Variants in CNTN5 observed in about 807,000 individuals in gnomAD.
CNTN5 encodes contactin 5.
CNTN5 carries 77 observed loss-of-function variants against 129.1 expected under a neutral mutation model. The observed-to-expected ratio is 0.60, with a 90% CI of 0.50 to 0.72. The LOEUF is 0.72. Ranked by LOEUF, CNTN5 falls within the 30% of genes least tolerant of loss-of-function variation. The probability of loss-of-function intolerance (pLI) is 0.00; values close to 1 mark genes in which losing one functional copy is unlikely to be tolerated. For missense variants in CNTN5, 1,478 were observed against 1,328.8 expected (o/e 1.11, Z -1.75); for synonymous variants, 509 against 465.6 (o/e 1.09, Z -1.20).
intron 18 of CNTN5, among the ~76,000 whole-genome samples, chr11:100,282,410 T>C (rs1253863840): frequency 6.6e-6 from 1 of 152,252 alleles, no homozygotes. Flanking sequence ...GAGACTCTTG[T>C]TCTCTTTCCT....
At chr11:99,633,779 C>T (rs1951450350) in intron 3 of CNTN5, among the ~76,000 whole-genome samples, 1 of 152,162 alleles carries the variant, frequency 6.6e-6, no homozygotes, top group Non-Finnish European at 1.5e-5. Context: ...TAAGGTTTCA[C>T]ATAAGATGTG....
At chr11:100,070,150 A>G (rs1191148549) in intron 10 of CNTN5, among the ~76,000 whole-genome samples, 1 of 145,036 alleles carries the variant, frequency 6.9e-6, no homozygotes, top group African/African-American at 2.6e-5. Context: ...GGGGATAACT[A>G]AACCACTTAA....
chr11:99,124,187 G>A (rs1168667619), intron 1 of CNTN5, among the ~76,000 whole-genome samples: 2 of 152,014 alleles, frequency 1.3e-5, no homozygotes, highest in Non-Finnish European at 1.5e-5. Context: ...CACTATTTGT[G>A]TCATCTTTGA....
intron 7 of CNTN5, among the ~76,000 whole-genome samples, chr11:99,926,482 A>G (rs930969479): frequency 6.6e-6 from 1 of 152,142 alleles, no homozygotes; most frequent in African/African-American, 2.4e-5. Flanking sequence ...AGAGGTAAAA[A>G]CAAAATATTT....
rs148467142 is a variant in CNTN5 at position 100,161,733 on chromosome 11, A to C, written c.1581-29393A>C. Among the ~76,000 whole-genome samples the C allele has an allele frequency of 7.2e-3, 1,083 of 151,332 alleles. 42 individuals are homozygous for C. The highest frequency in any genetic ancestry group is 0.053 in the Admixed American group (808 of 15,130). ...TTATGCTAGACATACATATGACAGA[A>C]GGTGGTTATTAATTTTAGTAAAAGC... On this transcript the variant is annotated intron_variant, in intron 13 of 24. Transcript: ENST00000524871.
chr11:99,304,956 G>C (rs937820912), intron 1 of CNTN5, among the ~76,000 whole-genome samples: 1 of 152,140 alleles, frequency 6.6e-6, no homozygotes, highest in Non-Finnish European at 1.5e-5. Flanking sequence ...GTTACTAATA[G>C]ATATATCTGT....
At chr11:99,436,857 T>C (rs1308163349) in intron 2 of CNTN5, among the ~76,000 whole-genome samples, 3 of 152,176 alleles carry the variant, frequency 2.0e-5, no homozygotes, top group Non-Finnish European at 4.4e-5. Flanking sequence ...ATCGAGATAT[T>C]TGAGTACCTG....
chr11:99,304,831 C>T (rs1375853062), intron 1 of CNTN5, among the ~76,000 whole-genome samples: 1 of 152,112 alleles, frequency 6.6e-6, no homozygotes, highest in Non-Finnish European at 1.5e-5. Flanking sequence ...CCTTTGCCCA[C>T]AGAAAGAATT....
chr11:100,341,167 A>C lies in CNTN5; in HGVS notation c.2992A>C (p.Ile998Leu), dbSNP rs1952151217. The C allele has an allele frequency of 6.2e-7, 1 of 1,613,806 alleles. No homozygotes were observed. The highest frequency in any genetic ancestry group is 1.3e-5 in the African/African-American group (1 of 74,930). ...GGTTTCTCTGGGCTGGGAACCCGTC[A>C]TACCATTAGCCAACGAATCTGAAGT... The part of the protein sequence containing the change: ...SQVSLGWEPV[I>L]PLANESEVVG... Residue 998 changes from isoleucine (I) to leucine (L), a missense_variant, in exon 23 of 25, where the codon ATA (isoleucine) becomes CTA (leucine). Coordinates refer to ENST00000524871, the MANE Select transcript of CNTN5 (RefSeq NM_014361.4).
chr11:99,747,255 T>C (rs1381198395), intron 3 of CNTN5, among the ~76,000 whole-genome samples: 2 of 152,210 alleles, frequency 1.3e-5, no homozygotes, highest in Non-Finnish European at 2.9e-5. Context: ...GATTTTTGTA[T>C]GTTGATTTTG....
At chr11:100,193,698 T>C (rs773919594) in intron 15 of CNTN5, 35 bp downstream of exon 15, 2 of 1,574,954 alleles carry the variant, frequency 1.3e-6, no homozygotes, top group Non-Finnish European at 1.7e-6. Context: ...TTAGTAATGA[T>C]AACTTTAGAA....
chr11:99,361,059 T>A (rs1939076099), intron 2 of CNTN5, among the ~76,000 whole-genome samples: 1 of 152,182 alleles, frequency 6.6e-6, no homozygotes, highest in Non-Finnish European at 1.5e-5. Flanking sequence ...TCTTTGCCAC[T>A]TCATAAAAAG....
At chr11:100,199,365 G>T (rs1322299953) in intron 15 of CNTN5, among the ~76,000 whole-genome samples, 1 of 151,698 alleles carries the variant, frequency 6.6e-6, no homozygotes, top group African/African-American at 2.4e-5. Flanking sequence ...CTACCTCTTG[G>T]TTCTTTGGCC....
intron 15 of CNTN5, among the ~76,000 whole-genome samples, chr11:100,214,455 C>T (rs1396614538): frequency 6.6e-6 from 1 of 152,146 alleles, no homozygotes; most frequent in African/African-American, 2.4e-5. Flanking sequence ...CAGTTGGCAC[C>T]ATCAGTCTTC....
chr11:99,822,540 C>T (rs1946834545), intron 4 of CNTN5, among the ~76,000 whole-genome samples: 1 of 152,056 alleles, frequency 6.6e-6, no homozygotes, highest in Non-Finnish European at 1.5e-5. Flanking sequence ...TTTATGGATA[C>T]ACATAAGTGG....
At chr11:100,333,942 A>G (rs1313706907) in intron 21 of CNTN5, among the ~76,000 whole-genome samples, 1 of 152,188 alleles carries the variant, frequency 6.6e-6, no homozygotes, top group East Asian at 1.9e-4. Context: ...ATGGGACTTA[A>G]TTAAACTAAA....
At chr11:99,288,808 A>C (rs1482152814) in intron 1 of CNTN5, among the ~76,000 whole-genome samples, 1 of 151,878 alleles carries the variant, frequency 6.6e-6, no homozygotes, top group Non-Finnish European at 1.5e-5. Flanking sequence ...AATTACTTAT[A>C]ATAAATATCC....
At chr11:100,039,728 A>G (rs1942260271) in intron 9 of CNTN5, among the ~76,000 whole-genome samples, 3 of 152,220 alleles carry the variant, frequency 2.0e-5, no homozygotes, top group African/African-American at 7.2e-5. Flanking sequence ...TTTGTCTTCC[A>G]TCACTGATAC....
intron 21 of CNTN5, among the ~76,000 whole-genome samples, chr11:100,320,688 A>G (rs1951673196): frequency 6.6e-6 from 1 of 151,912 alleles, no homozygotes; most frequent in Non-Finnish European, 1.5e-5. Context: ...TTACAGTTTT[A>G]TATCTTATGT....
Sources: allele counts gnomAD v4.1 joint callset (sites outside exome capture counted in the v4.1 genomes callset), GRCh38; gene constraint gnomAD v4.1.1; transcripts MANE v1.5; gene names NCBI Gene and HGNC (gene_info 2026-07-23, HGNC 2026-07-21).